The following LIMS1 variants were observed in gnomAD, a reference collection of about 807,000 sequenced individuals.
The protein encoded by LIMS1 is LIM and senescent cell antigen-like-containing domain protein 1.
A neutral mutation model predicts 44.1 loss-of-function variants in LIMS1; 18 were observed. The observed-to-expected ratio is 0.41, with a 90% CI of 0.28 to 0.61. LIMS1 has a LOEUF of 0.61. LIMS1 is among the 20% of genes least tolerant of loss of function. LIMS1 has a pLI of 0.32. For missense variants in LIMS1, 201 were observed against 422.0 expected, an observed-to-expected ratio of 0.48 and a Z score of 4.59; for synonymous variants, 93 against 149.1, an observed-to-expected ratio of 0.62 and a Z score of 2.74.
rs1691437366 is a variant in LIMS1, at chr2:108,662,355, A to G, written c.192+2591A>G. 6 of 1,605,118 alleles carry G rather than the reference A, an allele frequency of 3.7e-6. No individual in the cohort carries two copies. The Admixed American group carries it at 5.1e-5, about 14-fold the overall frequency. On this transcript the variant is annotated intron_variant, in intron 2 of 9. Coordinates refer to ENST00000544547, the Ensembl canonical transcript of LIMS1. ...TGAGTCAGAGGGAAAAGCTCAGAACAGCCTTGAGCAGTGAAGAATAAAGTG... is the reference window on the plus strand; with the variant it reads ...TGAGTCAGAGGGAAAAGCTCAGAACGGCCTTGAGCAGTGAAGAATAAAGTG...
intron 1 of LIMS1, among the ~76,000 whole-genome samples, chr2:108,538,944 T>C (rs912421729): frequency 6.6e-6 from 1 of 152,258 alleles, no homozygotes; most frequent in Non-Finnish European, 1.5e-5. Context: ...TTATGTTTTT[T>C]AACCTTAGTT....
chr2:108,551,969 A>G lies in LIMS1; in HGVS notation c.32+17375A>G, dbSNP rs184236973. Among the ~76,000 whole-genome samples, 1,425 of 143,104 alleles carry G rather than the reference A, an allele frequency of 1.0e-2. 12 individuals are homozygous for G. Among genetic ancestry groups the G allele is most frequent in the Non-Finnish European group, 0.012 (818 of 65,842 alleles). 93.9% of individuals were successfully genotyped at this position (143,104 alleles called of 152,430 possible). A position where few individuals can be genotyped will look rare whatever the true frequency, so the allele number is the denominator to read the frequency against. ...TGTGTGTGTGTATATATATATATAT[A>G]TATGTATATATATGGAGGAACCATG... On this transcript the variant is annotated intron_variant, in intron 1 of 9. Coordinates refer to ENST00000544547, the Ensembl canonical transcript of LIMS1.
rs775542777 is a variant in LIMS1 at position 108,675,919 on chromosome 2, T to A, written c.572T>A (p.Leu191Gln). The A allele has an allele frequency of 4.3e-5, 70 of 1,613,858 alleles. No individual in the cohort carries two copies. Among genetic ancestry groups the A allele is most frequent in the Non-Finnish European group, 5.8e-5 (69 of 1,179,872 alleles). The stretch of plus-strand genomic sequence containing the variant: ...GATGCACGGGAGCTGAAAGGGGAGC[T>A]ATACTGCCTCCCATGCCATGATAAA... Residue 191 changes from leucine to glutamine, a missense_variant, in exon 6 of 10, where the codon CTA (leucine) becomes CAA (glutamine). Around this residue, in one of 7 missense-constraint regions of LIMS1, gnomAD observed 25 missense variants for 24.0 expected, o/e 1.04. Coordinates refer to ENST00000544547, the Ensembl canonical transcript of LIMS1.
intron 1 of LIMS1, among the ~76,000 whole-genome samples, chr2:108,658,795 G>A (rs556147571): frequency 1.4e-4 from 21 of 152,414 alleles, no homozygotes; most frequent in South Asian, 4.1e-4. Context: ...CCTATGAAAC[G>A]TGGTGGTATC....
At chr2:108,600,408 T>G (rs1013943465) in intron 1 of LIMS1, among the ~76,000 whole-genome samples, 1 of 152,256 alleles carries the variant, frequency 6.6e-6, no homozygotes, top group Admixed American at 6.5e-5. Context: ...TTTGGTTGCC[T>G]GTGCTTGTGG....
At chr2:108,671,628 A>T (rs1364450991) in intron 3 of LIMS1, among the ~76,000 whole-genome samples, 1 of 152,192 alleles carries the variant, frequency 6.6e-6, no homozygotes, top group Non-Finnish European at 1.5e-5. Context: ...ACTGGGTAGA[A>T]TGTTCTAAAG....
intron 1 of LIMS1, among the ~76,000 whole-genome samples, chr2:108,606,672 G>A (rs1687284686): frequency 6.6e-6 from 1 of 152,214 alleles, no homozygotes; most frequent in South Asian, 2.1e-4. Context: ...TACAGCAAGT[G>A]CAACAAAATA....
At chr2:108,609,373 C>T (rs1401087375) in intron 1 of LIMS1, among the ~76,000 whole-genome samples, 3 of 152,114 alleles carry the variant, frequency 2.0e-5, no homozygotes, top group Non-Finnish European at 4.4e-5. Flanking sequence ...CCTCCCCACC[C>T]GGAATTCTAA....
chr2:108,660,425 G>A (rs896601799), intron 2 of LIMS1: 2 of 416,586 alleles, frequency 4.8e-6, no homozygotes, highest in East Asian at 7.0e-5. Context: ...CCCCTTTCTT[G>A]TTGTTTTTTA....
At chr2:108,635,907 G>A (rs1362161979) in intron 1 of LIMS1, among the ~76,000 whole-genome samples, 1 of 152,150 alleles carries the variant, frequency 6.6e-6, no homozygotes, top group Non-Finnish European at 1.5e-5. Context: ...GAGCCCAAAA[G>A]GTCTAAGTAC....
intron 1 of LIMS1, among the ~76,000 whole-genome samples, chr2:108,551,491 GCACACA>G (rs67589132): frequency 0.084 from 9,614 of 114,782 alleles, 475 homozygotes; most frequent in South Asian, 0.16. Context: ...GCGCGCGCGC[GCACACA>G]CACACACACA....
rs200879759 is a variant in LIMS1, at chr2:108,546,676, ATC to A, written c.32+12084_32+12085del. Among the ~76,000 whole-genome samples the A allele has an allele frequency of 0.019, 1,781 of 93,012 alleles. 13 individuals are homozygous for A. The East Asian group carries it at 0.28, about 15-fold the overall frequency. 61.0% of individuals were successfully genotyped at this position (93,012 alleles called of 152,430 possible). ...CTAGCGAGCCTGTCTAATTTGAGTG[ATC>A]TTTTTTTTTTTTTTTAAAGACAATG... On this transcript the variant is annotated intron_variant, in intron 1 of 9. Transcript: ENST00000544547.
chr2:108,646,587 A>C (rs999662220), intron 1 of LIMS1, among the ~76,000 whole-genome samples: 7 of 152,262 alleles, frequency 4.6e-5, no homozygotes, highest in African/African-American at 1.4e-4. Flanking sequence ...AAGCAAGAGC[A>C]AACAAATTCA....
intron 1 of LIMS1, among the ~76,000 whole-genome samples, chr2:108,642,342 G>GTTTT (rs764932432): frequency 2.3e-3 from 35 of 14,974 alleles, no homozygotes; most frequent in African/African-American, 3.5e-3. Context: ...AGTGTTTTTT[G>GTTTT]TTTTTTTTTT....
chr2:108,595,673 AC>A (rs1312387581), intron 1 of LIMS1, among the ~76,000 whole-genome samples: 2 of 151,842 alleles, frequency 1.3e-5, no homozygotes, highest in Non-Finnish European at 2.9e-5. Context: ...GAATCAGTGT[AC>A]CCCCCAGGTC....
chr2:108,596,861 A>C (rs1276699851), intron 1 of LIMS1, among the ~76,000 whole-genome samples: 9 of 151,312 alleles, frequency 5.9e-5, no homozygotes, highest in Admixed American at 2.0e-4. Context: ...CATGTTGAGG[A>C]AATAGGAACT....
chr2:108,551,874 TATGTATATATGTGTATATAC>T lies in LIMS1; in HGVS notation c.32+17293_32+17312del, dbSNP rs1325472832. 3.8e-4 allele frequency among the ~76,000 whole-genome samples: 56 copies of T among 146,188 alleles called. 1 individual carries two copies. The highest frequency in any genetic ancestry group is 1.1e-3 in the South Asian group (5 of 4,758). On this transcript the variant is annotated intron_variant, in intron 1 of 9. Transcript: ENST00000544547. ...ATACTATGTAGTATATATGTATACA[TATGTATATATGTGTATATAC>T]ATGTATATATGTATATGTGTGTATA...
At chr2:108,611,826 C>T (rs1375467528) in intron 1 of LIMS1, among the ~76,000 whole-genome samples, 1 of 96,736 alleles carries the variant, frequency 1.0e-5, no homozygotes, top group Non-Finnish European at 2.3e-5. Context: ...TGCTGTGAAC[C>T]ATGATCTAAA....
intron 2 of LIMS1, among the ~76,000 whole-genome samples, chr2:108,667,669 A>G (rs1573599164): frequency 1.3e-5 from 2 of 151,494 alleles, no homozygotes; most frequent in South Asian, 4.2e-4. Flanking sequence ...GGAGTTATTT[A>G]TGAGTTTTTA....
Sources: gnomAD v4.1 joint callset for allele counts (sites outside exome capture counted in the v4.1 genomes callset) on GRCh38, gnomAD v4.1.1 for gene constraint, gnomAD v4.1.1 regional missense constraint, MANE v1.5 for transcripts, NCBI Gene and HGNC (gene_info 2026-07-23, HGNC 2026-07-21) for gene names.